RHBDD1: variants seen among roughly 807,000 people sequenced by gnomAD.
RHBDD1 encodes the protein rhomboid domain containing 1, also known as rhomboid-related protein 4.
In RHBDD1, 38 loss-of-function variants were observed where a neutral mutation model predicts 36.3. That is an observed-to-expected ratio of 1.05 (90% CI 0.81 to 1.37). The LOEUF (loss-of-function observed/expected upper bound fraction) is 1.37, where lower values mean the gene tolerates loss of function less well. RHBDD1 is among the 40% of genes most tolerant of loss of function. The pLI, the probability that RHBDD1 is intolerant of heterozygous loss-of-function variation, is 0.00. For synonymous variants in RHBDD1, 151 were observed against 136.5 expected, an observed-to-expected ratio of 1.11 and a Z score of -0.74; for missense variants, 393 against 377.6, an observed-to-expected ratio of 1.04 and a Z score of -0.34.
intron 3 of RHBDD1, among the ~76,000 whole-genome samples, chr2:226,857,903 AGAT>A (rs1943487574): frequency 6.6e-6 from 1 of 152,322 alleles, no homozygotes; most frequent in Admixed American, 6.5e-5. Flanking sequence ...GTGCTCCTTA[AGAT>A]TGAATTTTAT....
intron 5 of RHBDD1, among the ~76,000 whole-genome samples, chr2:226,899,432 G>T (rs184108803): frequency 6.6e-5 from 10 of 152,164 alleles, no homozygotes; most frequent in Admixed American, 5.2e-4. Context: ...CCCCCTCTGT[G>T]TCAGGAAATA....
At chr2:226,969,723 G>A (rs1043822206) in intron 8 of RHBDD1, among the ~76,000 whole-genome samples, 25 of 152,272 alleles carry the variant, frequency 1.6e-4, no homozygotes, top group African/African-American at 5.3e-4. Flanking sequence ...ATATGTTCCT[G>A]AGTCACTTAT....
chr2:226,993,172 C>T (rs532884462), intron 8 of RHBDD1, among the ~76,000 whole-genome samples: 2 of 152,322 alleles, frequency 1.3e-5, no homozygotes, highest in South Asian at 4.1e-4. Context: ...CAGGCAGTTC[C>T]CTTCATGGAA....
chr2:226,906,843 C>T lies in RHBDD1; in HGVS notation c.617C>T (p.Thr206Ile). ...GGGATTCTTGTTGGACTAATGTACACTCAAGGGCCTCTGAAGAAAATCATG... is the reference window on the plus strand; with the variant it reads ...GGGATTCTTGTTGGACTAATGTACATTCAAGGGCCTCTGAAGAAAATCATG... ...LAGILVGLMY[T>I]QGPLKKIMEA... Residue 206 changes from threonine (T) to isoleucine (I), a missense_variant, in exon 6 of 9, where the codon ACT becomes ATT. Thr to Ile is a moderately conservative substitution (Grantham distance 89, BLOSUM62 -1). Coordinates refer to ENST00000392062, the MANE Select transcript of RHBDD1 (RefSeq NM_001167608.3). 4 of 1,614,136 alleles carry T rather than the reference C, an allele frequency of 2.5e-6. No homozygotes were observed. Among genetic ancestry groups the T allele is most frequent in the African/African-American group, 1.3e-5 (1 of 75,044 alleles).
chr2:226,907,322 G>A (rs1366756), intron 6 of RHBDD1, among the ~76,000 whole-genome samples: 66,130 of 152,034 alleles, frequency 0.43, 14,564 homozygotes, highest in South Asian at 0.5. Context: ...TGATGACCGG[G>A]TCCTTGGTGG....
intron 7 of RHBDD1, among the ~76,000 whole-genome samples, chr2:226,913,375 T>C (rs1948655344): frequency 6.6e-6 from 1 of 152,182 alleles, no homozygotes; most frequent in Non-Finnish European, 1.5e-5. Context: ...TTCTCTCTCT[T>C]TATGCCAGAA....
intron 2 of RHBDD1, among the ~76,000 whole-genome samples, chr2:226,839,086 TTTACA>T (rs1941330238): frequency 6.6e-6 from 1 of 152,206 alleles, no homozygotes. Context: ...AGTGAAAAGT[TTTACA>T]TTACATTTTT....
chr2:226,989,210 T>G (rs1337508536), intron 8 of RHBDD1, among the ~76,000 whole-genome samples: 1 of 152,184 alleles, frequency 6.6e-6, no homozygotes, highest in Non-Finnish European at 1.5e-5. Flanking sequence ...GAAATTCTAC[T>G]TGGAGGGATA....
rs1432094464 is a variant in RHBDD1 at position 226,998,975 on chromosome 2, ATCC to A, written c.*3459_*3461del. On this transcript the variant is annotated 3_prime_UTR_variant, in exon 9 of 9. Coordinates refer to ENST00000392062, the MANE Select transcript of RHBDD1 (RefSeq NM_001167608.3). The stretch of plus-strand genomic sequence containing the variant: ...CTTTCCTCTCTCTTGGCCCATTCAG[ATCC>A]TCCTCATCCAGCCCCCATCTGAATC... 4 of 152,352 alleles carry A rather than the reference ATCC, an allele frequency of 2.6e-5. No individual in the cohort carries two copies. The East Asian group carries it at 7.7e-4, about 29-fold the overall frequency. The allele number at this position is 152,352 out of a possible 1,614,324, so 9.4% of individuals were successfully genotyped here.
chr2:226,990,441 A>T (rs1243930389), intron 8 of RHBDD1, among the ~76,000 whole-genome samples: 2 of 152,160 alleles, frequency 1.3e-5, no homozygotes, highest in Non-Finnish European at 2.9e-5. Flanking sequence ...TTTAAGGGAG[A>T]GATACTATGC....
At chr2:226,907,342 A>G (rs1948142027) in intron 6 of RHBDD1, among the ~76,000 whole-genome samples, 1 of 152,240 alleles carries the variant, frequency 6.6e-6, no homozygotes, top group Non-Finnish European at 1.5e-5. Context: ...GATGAGCCAT[A>G]TATTCATGCA....
intron 5 of RHBDD1, among the ~76,000 whole-genome samples, chr2:226,894,121 G>T (rs1260964674): frequency 6.6e-6 from 1 of 152,180 alleles, no homozygotes; most frequent in African/African-American, 2.4e-5. Flanking sequence ...AACCTTGAAT[G>T]TGGTACTTGA....
chr2:226,942,438 A>G, intron 8 of RHBDD1: 1 of 216,882 alleles, frequency 4.6e-6, no homozygotes, highest in Non-Finnish European at 9.6e-6. Flanking sequence ...ACAGGGTTTC[A>G]CCGTGTTAAC....
intron 8 of RHBDD1, among the ~76,000 whole-genome samples, chr2:226,982,996 C>T (rs1021060766): frequency 6.6e-6 from 1 of 152,160 alleles, no homozygotes; most frequent in Non-Finnish European, 1.5e-5. Flanking sequence ...ATAGCATAAC[C>T]TAGGAAACTA....
At chr2:226,990,280 T>C (rs990850719) in intron 8 of RHBDD1, among the ~76,000 whole-genome samples, 1 of 152,194 alleles carries the variant, frequency 6.6e-6, no homozygotes, top group African/African-American at 2.4e-5. Context: ...TTGCAGTTCA[T>C]GGAATGCTAA....
At chr2:226,917,593 A>G (rs1415220301) in intron 8 of RHBDD1, among the ~76,000 whole-genome samples, 2 of 152,134 alleles carry the variant, frequency 1.3e-5, no homozygotes, top group Non-Finnish European at 2.9e-5. Flanking sequence ...AACTCCTCAC[A>G]GTAGAAGATT....
rs138362667 is a variant in RHBDD1 at position 226,846,006 on chromosome 2, A to G, written c.-91+6379A>G. Among the ~76,000 whole-genome samples, 535 of 152,276 alleles carry G rather than the reference A, an allele frequency of 3.5e-3. 5 individuals carry two copies. Among genetic ancestry groups the G allele is most frequent in the African/African-American group, 0.012 (498 of 41,560 alleles). ...AACATGCACAATGAATGTAAATGCA[A>G]TTTGTTCATTGAGCTGCATGTGCTG... On this transcript the variant is annotated intron_variant, in intron 3 of 8. Coordinates refer to ENST00000392062, the MANE Select transcript of RHBDD1 (RefSeq NM_001167608.3).
At chr2:226,937,638 G>A (rs4675124) in intron 8 of RHBDD1, among the ~76,000 whole-genome samples, 88,644 of 151,864 alleles carry the variant, frequency 0.58, 26,597 homozygotes, top group African/African-American at 0.73. Context: ...ATTCATCTCC[G>A]TGTGTCCATG....
chr2:226,993,232 C>T (rs1958664586), intron 8 of RHBDD1, among the ~76,000 whole-genome samples: 1 of 152,188 alleles, frequency 6.6e-6, no homozygotes, highest in Admixed American at 6.5e-5. Flanking sequence ...AAGAAAACAC[C>T]AGAGGACTCT....
Sources: allele counts gnomAD v4.1 joint callset (sites outside exome capture counted in the v4.1 genomes callset), GRCh38; gene constraint gnomAD v4.1.1; transcripts MANE v1.5; gene names NCBI Gene and HGNC (gene_info 2026-07-23, HGNC 2026-07-21).